Variants in FNTA observed in about 807,000 individuals in gnomAD.
The protein encoded by FNTA is protein farnesyltransferase/geranylgeranyltransferase type-1 subunit alpha.
Under a neutral mutation model 55.2 loss-of-function variants are expected in FNTA, and 27 were observed. That is an observed-to-expected ratio of 0.49 (90% CI 0.36 to 0.67). The LOEUF is 0.67. FNTA is among the 30% of genes least tolerant of loss of function. The pLI is 0.00. For missense variants in FNTA, 422 were observed against 464.7 expected, an observed-to-expected ratio of 0.91 and a Z score of 0.85; for synonymous variants, 176 against 170.7, an observed-to-expected ratio of 1.03 and a Z score of -0.24.
At chr8:43,074,166 T>C (rs1810856431) in intron 5 of FNTA, among the ~76,000 whole-genome samples, 1 of 152,194 alleles carries the variant, frequency 6.6e-6, no homozygotes, top group Non-Finnish European at 1.5e-5. Context: ...CGATCACAGA[T>C]TGGATGTATT....
chr8:43,077,146 T>C (rs1810930757), intron 5 of FNTA, 70 bp from the exon 6 acceptor site: 1 of 1,136,064 alleles, frequency 8.8e-7, no homozygotes. Context: ...TGTTGTAGTT[T>C]TAATTTATTT....
intron 1 of FNTA, 163 bp from the exon 2 acceptor site, chr8:43,058,929 T>C: frequency 2.0e-6 from 1 of 494,476 alleles, no homozygotes; most frequent in Non-Finnish European, 3.6e-6. Context: ...GTGTAAAACA[T>C]ATTGGCAAAA....
chr8:43,066,587 C>CGTGTGTGTGTGTGT (rs34748037), intron 3 of FNTA, among the ~76,000 whole-genome samples: 115 of 148,672 alleles, frequency 7.7e-4, no homozygotes, highest in East Asian at 2.8e-3. Flanking sequence ...TAGCATCGTT[C>CGTGTGTGTGTGTGT]GTGTGTGTGT....
Position 43,085,506 on chromosome 8 carries a change from A to G in FNTA, c.*224A>G, listed in dbSNP as rs146781943. On this transcript the variant is annotated 3_prime_UTR_variant, in exon 9 of 9. Coordinates refer to ENST00000302279, the MANE Select transcript of FNTA (RefSeq NM_002027.3). ...AAGTCATTGGATGGGAGGAGGAAGA[A>G]AAAGTCCCATAAAGGAACTTTTGTA... The G allele has an allele frequency of 9.0e-4, 469 of 521,544 alleles. 6 individuals carry two copies. The highest frequency in any genetic ancestry group is 8.2e-3 in the African/African-American group (407 of 49,728). The allele number at this position is 521,544 out of a possible 1,614,324, so 32.3% of individuals were successfully genotyped here.
intron 5 of FNTA, among the ~76,000 whole-genome samples, chr8:43,073,300 A>G (rs1810836718): frequency 6.6e-6 from 1 of 152,226 alleles, no homozygotes. Flanking sequence ...CATCTTCCAC[A>G]ATAGATTAAG....
intron 3 of FNTA, among the ~76,000 whole-genome samples, chr8:43,068,147 C>T (rs1259306617): frequency 3.9e-5 from 6 of 152,146 alleles, no homozygotes; most frequent in African/African-American, 7.2e-5. Context: ...CCGCCCACCT[C>T]GGCCTCCCAA....
At position 43,056,351 on chromosome 8, in the gene FNTA, C is replaced by T. The variant is rs930008320; in HGVS notation, c.5C>T (p.Ala2Val). The change falls in exon 1 of 9, where the codon GCG becomes GTG. Residue 2 changes from alanine to valine, a missense_variant. Transcript: ENST00000302279. ...TCAGCTGCGGACCGAGGCGAGATGG[C>T]GGCCACCGAGGGGGTCGGGGAGGCT... M[A>V]ATEGVGEAAQ... 1.1e-5 allele frequency: 15 copies of T among 1,414,268 alleles called. No individual in the cohort carries two copies. Among genetic ancestry groups the T allele is most frequent in the South Asian group, 1.5e-5 (1 of 65,788 alleles). 87.6% of individuals were successfully genotyped at this position (1,414,268 alleles called of 1,614,324 possible).
intron 6 of FNTA, chr8:43,080,079 C>T (rs980710511): frequency 6.6e-6 from 1 of 152,160 alleles, no homozygotes; most frequent in African/African-American, 2.4e-5. Context: ...CTAATCCTGG[C>T]AACGACGTTG....
intron 5 of FNTA, among the ~76,000 whole-genome samples, chr8:43,073,223 A>G (rs1810835538): frequency 6.6e-6 from 1 of 152,224 alleles, no homozygotes; most frequent in African/African-American, 2.4e-5. Context: ...AAGGTATTCA[A>G]TATTTTTACT....
chr8:43,059,981 A>G (rs1197538923), intron 2 of FNTA, among the ~76,000 whole-genome samples: 2 of 152,226 alleles, frequency 1.3e-5, no homozygotes, highest in Admixed American at 6.5e-5. Context: ...AATATGTGAT[A>G]AAAAGGACAT....
chr8:43,084,882 G>A lies in FNTA; in HGVS notation c.1017+1G>A. On this transcript the variant is annotated splice_donor_variant, in intron 8 of 8. Coordinates refer to ENST00000302279, the MANE Select transcript of FNTA (RefSeq NM_002027.3). LOFTEE classifies it high-confidence loss of function. ...AGACATTCTTAATAAAGCATTAGAG[G>A]TAAGCTGGTGGGGCTCAGTGCTGTC... 1.9e-6 allele frequency: 3 copies of A among 1,613,322 alleles called. No homozygotes were observed. Among genetic ancestry groups the A allele is most frequent in the Non-Finnish European group, 1.7e-6 (2 of 1,179,654 alleles).
rs776923934 is a variant in FNTA at position 43,072,326 on chromosome 8, A to G, written c.633+19A>G. On this transcript the variant is annotated intron_variant, in intron 5 of 8. Coordinates refer to ENST00000302279, the MANE Select transcript of FNTA (RefSeq NM_002027.3). ...TATTCAGGTATTGCCTTTCTTGTAC[A>G]GTGTTTTTCAGATTTTTTTTTTAAC... The G allele has an allele frequency of 1.0e-4, 153 of 1,507,082 alleles. 1 individual carries two copies. Among genetic ancestry groups the G allele is most frequent in the Non-Finnish European group, 1.3e-4 (142 of 1,126,696 alleles). 93.4% of individuals were successfully genotyped at this position (1,507,082 alleles called of 1,614,324 possible). A position where few individuals can be genotyped will look rare whatever the true frequency, so the allele number is the denominator to read the frequency against.
intron 7 of FNTA, 38 bp from the exon 8 acceptor site, chr8:43,084,672 C>T: frequency 8.5e-6 from 13 of 1,522,022 alleles, no homozygotes; most frequent in Non-Finnish European, 1.2e-5. Flanking sequence ...GTTCTTCCTT[C>T]ACAAAATCAA....
chr8:43,062,459 T>C (rs1028299751), intron 2 of FNTA, among the ~76,000 whole-genome samples: 3 of 151,964 alleles, frequency 2.0e-5, no homozygotes, highest in Admixed American at 2.0e-4. Context: ...TTTTTGTATT[T>C]TTAGTAGAGA....
intron 3 of FNTA, among the ~76,000 whole-genome samples, 180 bp downstream of exon 3, chr8:43,064,395 C>T (rs747348389): frequency 9.2e-5 from 14 of 152,172 alleles, no homozygotes; most frequent in Middle Eastern, 3.4e-3. Flanking sequence ...TCACTGCAAC[C>T]TCTGCCTCCT....
chr8:43,073,497 T>C (rs575309915), intron 5 of FNTA: 8 of 152,314 alleles, frequency 5.3e-5, no homozygotes, highest in South Asian at 2.1e-4. Context: ...AGGGAAGATA[T>C]GATCACCAAG....
intron 7 of FNTA, among the ~76,000 whole-genome samples, chr8:43,083,705 C>G (rs1315035064): frequency 1.3e-5 from 2 of 152,150 alleles, no homozygotes; most frequent in African/African-American, 2.4e-5. Flanking sequence ...AGTATGGAAC[C>G]AGTTACCCTT....
intron 2 of FNTA, 39 bp from the exon 3 acceptor site, chr8:43,064,058 TTAAG>T: frequency 1.6e-6 from 2 of 1,220,154 alleles, no homozygotes; most frequent in East Asian, 2.3e-5. Context: ...AGTGCTAATT[TTAAG>T]TAAGATGGTC....
intron 1 of FNTA, among the ~76,000 whole-genome samples, chr8:43,057,667 T>C (rs1810441538): frequency 6.6e-6 from 1 of 152,086 alleles, no homozygotes; most frequent in Non-Finnish European, 1.5e-5. Context: ...AAATAAAAAG[T>C]GAAAGGAAGG....
Sources: allele counts gnomAD v4.1 joint callset (sites outside exome capture counted in the v4.1 genomes callset), GRCh38; gene constraint gnomAD v4.1.1; transcripts MANE v1.5; gene names NCBI Gene and HGNC (gene_info 2026-07-23, HGNC 2026-07-21).